The following SCLT1 variants were observed in gnomAD, a reference collection of about 807,000 sequenced individuals.
The protein encoded by SCLT1 is sodium channel-associated protein 1.
A neutral mutation model predicts 112.8 loss-of-function variants in SCLT1; 78 were observed. The ratio of observed to expected loss-of-function variants is 0.69; its 90% CI spans 0.58 to 0.83. The LOEUF is 0.83. Ranked by LOEUF, SCLT1 falls within the 40% of genes least tolerant of loss-of-function variation. The pLI is 0.00. For synonymous variants in SCLT1, 257 were observed against 254.7 expected (o/e 1.01, Z -0.09); for missense variants, 747 against 770.4 (o/e 0.97, Z 0.36).
intron 4 of SCLT1, chr4:129,040,072 G>A (rs1447072262): frequency 1.5e-6 from 1 of 659,846 alleles, no homozygotes; most frequent in African/African-American, 1.8e-5. Context: ...CAAGGGCCAG[G>A]TGGAACAGGC....
At chr4:129,044,891 ACAC>A (rs1434812257) in intron 2 of SCLT1, among the ~76,000 whole-genome samples, 3 of 151,954 alleles carry the variant, frequency 2.0e-5, no homozygotes, top group Non-Finnish European at 4.4e-5. Flanking sequence ...ACATAGCAAA[ACAC>A]CACAATGCTA....
intron 18 of SCLT1, among the ~76,000 whole-genome samples, chr4:128,897,147 C>G (rs1189062779): frequency 2.6e-5 from 4 of 152,060 alleles, no homozygotes; most frequent in African/African-American, 9.7e-5. Context: ...GGCAGGCCAA[C>G]GTTCATATTC....
chr4:128,959,851 T>A (rs1241445978), intron 11 of SCLT1, 74 bp from the exon 12 acceptor site: 6 of 1,097,590 alleles, frequency 5.5e-6, no homozygotes, highest in African/African-American at 1.6e-5. Flanking sequence ...GAGCATCTAC[T>A]ACAGGACAGG....
At chr4:129,063,079 CT>C (rs1322725460) in intron 2 of SCLT1, among the ~76,000 whole-genome samples, 1 of 152,196 alleles carries the variant, frequency 6.6e-6, no homozygotes, top group African/African-American at 2.4e-5. Context: ...TTTCAATCTT[CT>C]TTTTTTCTTG....
intron 5 of SCLT1, among the ~76,000 whole-genome samples, chr4:129,038,415 T>G (rs1016534966): frequency 1.3e-5 from 2 of 152,120 alleles, no homozygotes; most frequent in African/African-American, 4.8e-5. Flanking sequence ...TGTTATTGAA[T>G]AAAAAAGTAA....
At chr4:129,004,162 T>C (rs1015095336) in intron 5 of SCLT1, among the ~76,000 whole-genome samples, 2 of 151,748 alleles carry the variant, frequency 1.3e-5, no homozygotes, top group African/African-American at 4.8e-5. Context: ...TTCAAAAGAG[T>C]AAAATTCAGA....
intron 9 of SCLT1, among the ~76,000 whole-genome samples, chr4:128,979,608 A>C (rs1741474787): frequency 6.6e-6 from 1 of 152,210 alleles, no homozygotes; most frequent in Non-Finnish European, 1.5e-5. Context: ...CCAATGGATT[A>C]AGACAATGGC....
intron 5 of SCLT1, among the ~76,000 whole-genome samples, chr4:129,029,774 AT>A (rs1227466407): frequency 1.3e-5 from 2 of 152,154 alleles, no homozygotes; most frequent in Non-Finnish European, 2.9e-5. Context: ...ACTACCCTAA[AT>A]ATATGTGTAC....
intron 5 of SCLT1, chr4:129,036,742 G>A (rs750022791): frequency 6.6e-6 from 1 of 151,834 alleles, no homozygotes; most frequent in East Asian, 1.9e-4. Context: ...AGACAATTCC[G>A]TGGGTGTGCT....
Position 128,936,831 on chromosome 4 carries a change from T to C in SCLT1, c.1653A>G (p.Glu551=). Residue 551 remains glutamate, a synonymous_variant, in exon 18 of 21, where the codon GAA becomes GAG. Transcript: ENST00000281142. ...CAAATCCACGTTCCTTTATTGAAAA[T>C]TCATGTTCCATTGTACTGATCTAAA... is the stretch of plus-strand genomic sequence containing the variant. The part of the protein sequence containing the change: ...AKVKISTMEH[E]FSIKERGFEV... 6.3e-7 allele frequency: 1 copy of C among 1,576,564 alleles called. No homozygotes were observed. The highest frequency in any genetic ancestry group is 8.7e-7 in the Non-Finnish European group (1 of 1,152,664).
chr4:129,084,092 G>C (rs953530158), intron 1 of SCLT1, among the ~76,000 whole-genome samples: 1 of 152,134 alleles, frequency 6.6e-6, no homozygotes, highest in Admixed American at 6.5e-5. Context: ...TCATACTCAT[G>C]AGTAAAAATG....
intron 18 of SCLT1, among the ~76,000 whole-genome samples, chr4:128,910,101 G>GT (rs1734973611): frequency 6.6e-6 from 1 of 152,182 alleles, no homozygotes; most frequent in African/African-American, 2.4e-5. Flanking sequence ...TTATACACAT[G>GT]CAAGTATTTC....
At chr4:129,057,289 T>C (rs2125723730) in intron 2 of SCLT1, among the ~76,000 whole-genome samples, 2 of 152,304 alleles carry the variant, frequency 1.3e-5, no homozygotes, top group Middle Eastern at 6.8e-3. Context: ...ACCTATAATT[T>C]CCTTTTATTG....
chr4:129,077,849 A>T (rs1181332658), intron 2 of SCLT1, among the ~76,000 whole-genome samples: 2 of 152,226 alleles, frequency 1.3e-5, no homozygotes, highest in African/African-American at 4.8e-5. Flanking sequence ...TATGAGGTAA[A>T]GAACCCTCTA....
chr4:128,959,593 T>C lies in SCLT1; in HGVS notation c.1047+7A>G. 6.2e-7 allele frequency: 1 copy of C among 1,608,740 alleles called. No homozygotes were observed. Among genetic ancestry groups the C allele is most frequent in the Non-Finnish European group, 8.5e-7 (1 of 1,176,220 alleles). ...TTATATCTAAACATATTTACTAGCT[T>C]TCTTACCTGACTTTTTTGAAGGTTA... On this transcript the variant is annotated splice_region_variant and intron_variant, in intron 12 of 20. Coordinates refer to ENST00000281142, the MANE Select transcript of SCLT1 (RefSeq NM_144643.4).
At chr4:129,069,913 G>A (rs1197609361) in intron 2 of SCLT1, among the ~76,000 whole-genome samples, 1 of 152,016 alleles carries the variant, frequency 6.6e-6, no homozygotes, top group Non-Finnish European at 1.5e-5. Flanking sequence ...CTTTTATTAT[G>A]TTGAGGTATG....
At chr4:128,903,065 TAC>T (rs959274354) in intron 18 of SCLT1, among the ~76,000 whole-genome samples, 1 of 89,786 alleles carries the variant, frequency 1.1e-5, no homozygotes, top group Non-Finnish European at 2.2e-5. Flanking sequence ...AAGGCTGTTT[TAC>T]AGTTAACTTA....
chr4:128,983,703 C>T (rs1172928677), intron 9 of SCLT1, among the ~76,000 whole-genome samples: 1 of 152,036 alleles, frequency 6.6e-6, no homozygotes, highest in Non-Finnish European at 1.5e-5. Flanking sequence ...AAGGTATCAC[C>T]AAAAACTCTC....
At chr4:129,011,478 G>C in intron 5 of SCLT1, among the ~76,000 whole-genome samples, 1 of 151,992 alleles carries the variant, frequency 6.6e-6, no homozygotes, top group East Asian at 1.9e-4. Context: ...GCCTGTTTTT[G>C]TACCAGTACC....
Sources: allele counts gnomAD v4.1 joint callset (sites outside exome capture counted in the v4.1 genomes callset), GRCh38; gene constraint gnomAD v4.1.1; transcripts MANE v1.5; gene names NCBI Gene and HGNC (gene_info 2026-07-23, HGNC 2026-07-21).